Variants in TRAPPC9 observed in about 807,000 individuals in gnomAD.
The protein encoded by TRAPPC9 is trafficking protein particle complex subunit 9.
Under a neutral mutation model 124.0 loss-of-function variants are expected in TRAPPC9, and 83 were observed. The ratio of observed to expected loss-of-function variants is 0.67; its 90% CI spans 0.56 to 0.80. The LOEUF (loss-of-function observed/expected upper bound fraction) is 0.80, where lower values mean the gene tolerates loss of function less well. TRAPPC9 is among the 30% of genes least tolerant of loss of function. The pLI is 0.00. For synonymous variants in TRAPPC9, 638 were observed against 617.5 expected (o/e 1.03, Z -0.49); for missense variants, 1,302 against 1,508.3 (o/e 0.86, Z 2.27).
intron 8 of TRAPPC9, among the ~76,000 whole-genome samples, chr8:140,362,268 G>C (rs1452646883): frequency 1.3e-5 from 2 of 152,208 alleles, no homozygotes. Context: ...TAAGGCTGGT[G>C]AAAGGAAACC....
chr8:140,296,158 C>T (rs185106375), intron 11 of TRAPPC9, among the ~76,000 whole-genome samples: 17 of 152,288 alleles, frequency 1.1e-4, no homozygotes, highest in Non-Finnish European at 2.9e-5. Context: ...ATAATAATGC[C>T]GGCAGCATCA....
In TRAPPC9 at chr8:140,187,122, C is replaced by G. The variant is rs57931191; in HGVS notation, c.2556+34337G>C. ...CTGAATACAGTCACCCCTCGAACTA[C>G]ATAGGTTTGACCTGTGCAGGTCCAC... On this transcript the variant is annotated intron_variant, in intron 17 of 22. Coordinates refer to ENST00000438773, the MANE Select transcript of TRAPPC9 (RefSeq NM_001160372.4). Among the ~76,000 whole-genome samples, 938 of 152,336 alleles carry G rather than the reference C, an allele frequency of 6.2e-3. 7 individuals carry two copies. The highest frequency in any genetic ancestry group is 0.021 in the African/African-American group (863 of 41,564).
chr8:140,021,389 C>T (rs950155507), intron 18 of TRAPPC9, among the ~76,000 whole-genome samples: 4 of 152,224 alleles, frequency 2.6e-5, no homozygotes, highest in African/African-American at 9.6e-5. Flanking sequence ...ATTCTTTGTG[C>T]CACTTTTTTG....
intron 9 of TRAPPC9, among the ~76,000 whole-genome samples, chr8:140,331,481 A>G (rs1412542758): frequency 6.6e-6 from 1 of 152,226 alleles, no homozygotes; most frequent in Non-Finnish European, 1.5e-5. Context: ...ATGAGATTAT[A>G]TCAAACTAAA....
chr8:139,859,560 A>G (rs1239132152), intron 21 of TRAPPC9, among the ~76,000 whole-genome samples: 1 of 152,252 alleles, frequency 6.6e-6, no homozygotes, highest in Non-Finnish European at 1.5e-5. Flanking sequence ...AAAAAAGAGA[A>G]TGACCAGTGG....
At chr8:139,741,582 T>C (rs948418517) in intron 21 of TRAPPC9, among the ~76,000 whole-genome samples, 5 of 152,134 alleles carry the variant, frequency 3.3e-5, no homozygotes, top group South Asian at 2.1e-4. Flanking sequence ...GTTCGTAGTA[T>C]ATTCAGATAT....
At chr8:140,206,246 G>T (rs2062914276) in intron 17 of TRAPPC9, among the ~76,000 whole-genome samples, 1 of 152,132 alleles carries the variant, frequency 6.6e-6, no homozygotes, top group Admixed American at 6.5e-5. Context: ...AGGACTATAA[G>T]GTTCAGAAAG....
intron 9 of TRAPPC9, among the ~76,000 whole-genome samples, chr8:140,357,735 C>T (rs1277876083): frequency 6.6e-6 from 1 of 152,176 alleles, no homozygotes; most frequent in African/African-American, 2.4e-5. Flanking sequence ...AGCTCTGCCT[C>T]GGCCTGCTGC....
chr8:140,066,817 AGCAGTGCCAAGGGG>A (rs754391453), intron 17 of TRAPPC9, among the ~76,000 whole-genome samples: 14 of 152,244 alleles, frequency 9.2e-5, no homozygotes, highest in Admixed American at 3.3e-4. Context: ...CATCTCAGGG[AGCAGTGCCAAGGGG>A]CACAAAGCAT....
chr8:140,156,643 C>T (rs2061635360), intron 17 of TRAPPC9, among the ~76,000 whole-genome samples: 2 of 152,344 alleles, frequency 1.3e-5, no homozygotes, highest in South Asian at 4.1e-4. Context: ...AGCCCTGCTT[C>T]CTCCATGACC....
chr8:140,025,796 C>A (rs765726524), intron 17 of TRAPPC9, among the ~76,000 whole-genome samples: 2 of 152,166 alleles, frequency 1.3e-5, no homozygotes, highest in Non-Finnish European at 1.5e-5. Flanking sequence ...GAGTTTTAGT[C>A]CCGTTTCTTC....
At chr8:140,298,418 C>T (rs924295208) in intron 11 of TRAPPC9, among the ~76,000 whole-genome samples, 2 of 152,062 alleles carry the variant, frequency 1.3e-5, no homozygotes, top group Non-Finnish European at 2.9e-5. Context: ...TCTAGGAGGC[C>T]GAGGCAGGGG....
chr8:139,875,482 C>T (rs1829261071), intron 21 of TRAPPC9, among the ~76,000 whole-genome samples: 1 of 152,054 alleles, frequency 6.6e-6, no homozygotes. Flanking sequence ...CATTTTTTTT[C>T]CCCCTTCAAA....
At chr8:139,949,757 G>T (rs769696673) in intron 19 of TRAPPC9, among the ~76,000 whole-genome samples, 3 of 152,260 alleles carry the variant, frequency 2.0e-5, no homozygotes, top group Non-Finnish European at 4.4e-5. Flanking sequence ...AAGTGGAAAG[G>T]GGGAGTGGTG....
Position 140,377,235 on chromosome 8 carries a change from G to C in TRAPPC9, c.1135-6055C>G, listed in dbSNP as rs928361452. ...TTCATGTGTACTTTAAAGATGATTT[G>C]AACTCTGACTACAGCTTTTCTCCAC... On this transcript the variant is annotated intron_variant, in intron 7 of 22. Transcript: ENST00000438773. 7.9e-5 allele frequency among the ~76,000 whole-genome samples: 12 copies of C among 152,122 alleles called. No individual in the cohort carries two copies. In the East Asian group the frequency reaches 2.1e-3, roughly 27 times the overall value.
At chr8:140,332,547 G>A (rs948198492) in intron 9 of TRAPPC9, among the ~76,000 whole-genome samples, 1 of 151,942 alleles carries the variant, frequency 6.6e-6, no homozygotes, top group Admixed American at 6.6e-5. Context: ...CATTACACAT[G>A]ATATACGTGT....
At chr8:140,411,101 C>A (rs2132461930) in intron 5 of TRAPPC9, among the ~76,000 whole-genome samples, 1 of 152,156 alleles carries the variant, frequency 6.6e-6, no homozygotes. Context: ...ACCAAAAGAA[C>A]CACAACCAAT....
At chr8:139,877,513 A>G (rs576677255) in intron 21 of TRAPPC9, among the ~76,000 whole-genome samples, 12 of 152,196 alleles carry the variant, frequency 7.9e-5, no homozygotes, top group Middle Eastern at 3.4e-3. Flanking sequence ...TTCGGGGTCC[A>G]GTTGTGAGCA....
At chr8:140,389,506 C>T (rs896199815) in intron 7 of TRAPPC9, among the ~76,000 whole-genome samples, 1 of 152,164 alleles carries the variant, frequency 6.6e-6, no homozygotes, top group African/African-American at 2.4e-5. Flanking sequence ...CAGGATGGAA[C>T]ATGAGTCATA....
Sources: allele counts gnomAD v4.1 joint callset (sites outside exome capture counted in the v4.1 genomes callset), GRCh38; gene constraint gnomAD v4.1.1; transcripts MANE v1.5; gene names NCBI Gene and HGNC (gene_info 2026-07-23, HGNC 2026-07-21).